NR6A1: variants seen among roughly 807,000 people sequenced by gnomAD.
The protein encoded by NR6A1 is nuclear receptor subfamily 6 group A member 1.
In NR6A1, 7 loss-of-function variants were observed where a neutral mutation model predicts 59.1. The observed-to-expected ratio is 0.12, with a 90% confidence interval of 0.07 to 0.22. NR6A1 has a LOEUF of 0.22. NR6A1 is among the 10% of genes least tolerant of loss of function. NR6A1 has a pLI of 1.00. For missense variants in NR6A1, 468 were observed against 611.6 expected (o/e 0.77, Z 2.48); for synonymous variants, 243 against 236.1 (o/e 1.03, Z -0.27).
At chr9:124,536,994 T>G (rs1309227113) in intron 6 of NR6A1, among the ~76,000 whole-genome samples, 1 of 151,908 alleles carries the variant, frequency 6.6e-6, no homozygotes, top group African/African-American at 2.4e-5. Flanking sequence ...GACCACAGAC[T>G]CACAGACCCA....
At chr9:124,749,242 A>G (rs1327779161) in intron 1 of NR6A1, among the ~76,000 whole-genome samples, 2 of 151,928 alleles carry the variant, frequency 1.3e-5, no homozygotes, top group African/African-American at 2.4e-5. Flanking sequence ...AACCTGGGCA[A>G]CAAGAGTGAA....
intron 3 of NR6A1, among the ~76,000 whole-genome samples, chr9:124,553,194 C>G (rs1001006577): frequency 9.9e-5 from 15 of 152,188 alleles, no homozygotes; most frequent in Non-Finnish European, 1.5e-5. Context: ...AGCCTCTCTT[C>G]TTTCTGCTGA....
chr9:124,720,955 A>G (rs567510217), intron 2 of NR6A1, among the ~76,000 whole-genome samples: 3 of 152,358 alleles, frequency 2.0e-5, no homozygotes, highest in South Asian at 2.1e-4. Flanking sequence ...ACTGAATTTA[A>G]GCAACCCCTT....
intron 2 of NR6A1, among the ~76,000 whole-genome samples, chr9:124,641,225 G>A (rs993388926): frequency 6.6e-6 from 1 of 152,040 alleles, no homozygotes; most frequent in Non-Finnish European, 1.5e-5. Flanking sequence ...TGAGCATGGT[G>A]GTGCATGCCT....
At chr9:124,598,313 C>T (rs1835336336) in intron 2 of NR6A1, among the ~76,000 whole-genome samples, 1 of 150,276 alleles carries the variant, frequency 6.7e-6, no homozygotes, top group Middle Eastern at 3.4e-3. Flanking sequence ...ATAGTCACTG[C>T]ACTCCAGCTT....
intron 2 of NR6A1, among the ~76,000 whole-genome samples, chr9:124,680,089 T>C (rs570031635): frequency 5.2e-5 from 7 of 135,172 alleles, no homozygotes; most frequent in African/African-American, 7.4e-5. Context: ...TGTGTGTATG[T>C]ATGTGTGTGT....
At chr9:124,643,788 G>A (rs570748627) in intron 2 of NR6A1, among the ~76,000 whole-genome samples, 6 of 149,844 alleles carry the variant, frequency 4.0e-5, no homozygotes, top group Non-Finnish European at 7.4e-5. Context: ...GAGAGAGAGA[G>A]AAAGGGTACT....
chr9:124,692,201 T>C (rs762636703), intron 2 of NR6A1, among the ~76,000 whole-genome samples: 2 of 152,234 alleles, frequency 1.3e-5, no homozygotes, highest in Non-Finnish European at 2.9e-5. Context: ...CAAAATCAGG[T>C]ATTTTACATT....
At chr9:124,627,676 A>T (rs1444787432) in intron 2 of NR6A1, among the ~76,000 whole-genome samples, 1 of 152,144 alleles carries the variant, frequency 6.6e-6, no homozygotes, top group Non-Finnish European at 1.5e-5. Flanking sequence ...GACTCTGGCA[A>T]TCCTCCTGCC....
intron 2 of NR6A1, among the ~76,000 whole-genome samples, chr9:124,555,745 C>T (rs1833904248): frequency 6.6e-6 from 1 of 152,202 alleles, no homozygotes; most frequent in South Asian, 2.1e-4. Context: ...AATTGACCTT[C>T]TTTACTTTTC....
intron 2 of NR6A1, among the ~76,000 whole-genome samples, chr9:124,622,329 C>T (rs1836101321): frequency 1.3e-5 from 2 of 152,228 alleles, no homozygotes; most frequent in Admixed American, 1.3e-4. Context: ...ATGTCCTTCA[C>T]ACTAAACTGG....
intron 1 of NR6A1, among the ~76,000 whole-genome samples, chr9:124,740,448 T>G (rs1274548203): frequency 6.6e-6 from 1 of 151,232 alleles, no homozygotes; most frequent in African/African-American, 2.5e-5. Context: ...AATTCAAGTC[T>G]TATATAGTTT....
intron 8 of NR6A1, among the ~76,000 whole-genome samples, chr9:124,525,284 A>ACAC: frequency 7.3e-6 from 1 of 137,396 alleles, no homozygotes; most frequent in South Asian, 2.4e-4. Flanking sequence ...ATGCTTGTAA[A>ACAC]ACACACACAC....
intron 2 of NR6A1, among the ~76,000 whole-genome samples, chr9:124,644,614 A>G (rs1298330879): frequency 6.6e-6 from 1 of 152,180 alleles, no homozygotes; most frequent in Non-Finnish European, 1.5e-5. Context: ...GGTAAAAGGG[A>G]AAAAGTTGTA....
At chr9:124,696,558 T>C (rs1266626057) in intron 2 of NR6A1, among the ~76,000 whole-genome samples, 1 of 143,160 alleles carries the variant, frequency 7.0e-6, no homozygotes, top group Non-Finnish European at 1.5e-5. Flanking sequence ...AGTCTCGCTC[T>C]GTCACCCAGG....
At chr9:124,596,549 T>C (rs1033130951) in intron 2 of NR6A1, among the ~76,000 whole-genome samples, 4 of 152,198 alleles carry the variant, frequency 2.6e-5, no homozygotes, top group Non-Finnish European at 5.9e-5. Flanking sequence ...AAAATCCTTT[T>C]ACAAAGCAAA....
intron 3 of NR6A1, among the ~76,000 whole-genome samples, chr9:124,546,856 C>A (rs117985777): frequency 0.01 from 1,564 of 152,330 alleles, 21 homozygotes; most frequent in Non-Finnish European, 0.016. Flanking sequence ...ATCCTCACAA[C>A]CACCTTGGAA....
intron 2 of NR6A1, among the ~76,000 whole-genome samples, chr9:124,581,941 G>C (rs891359899): frequency 6.6e-6 from 1 of 152,186 alleles, no homozygotes; most frequent in East Asian, 1.9e-4. Flanking sequence ...TGGCGAGGCC[G>C]TGGAGAAATA....
At chr9:124,589,527 A>T (rs1053063035) in intron 2 of NR6A1, among the ~76,000 whole-genome samples, 20 of 152,258 alleles carry the variant, frequency 1.3e-4, no homozygotes, top group African/African-American at 4.8e-4. Flanking sequence ...ATACTCTTAT[A>T]ATAATGACCA....
Sources: gnomAD v4.1 joint callset for allele counts (sites outside exome capture counted in the v4.1 genomes callset) on GRCh38, gnomAD v4.1.1 for gene constraint, MANE v1.5 for transcripts, NCBI Gene and HGNC (gene_info 2026-07-23, HGNC 2026-07-21) for gene names.